The following MTM1 variants were observed in gnomAD, a reference collection of about 807,000 sequenced individuals.
MTM1 encodes myotubularin.
In MTM1, 9 loss-of-function variants were observed where a neutral mutation model predicts 52.1. The ratio of observed to expected loss-of-function variants is 0.17; its 90% CI spans 0.10 to 0.30. MTM1 has a LOEUF of 0.30. Ranked by LOEUF, MTM1 falls within the 10% of genes least tolerant of loss-of-function variation. The probability of loss-of-function intolerance (pLI) is 1.00; values close to 1 mark genes in which losing one functional copy is unlikely to be tolerated. For synonymous variants in MTM1, 136 were observed against 163.8 expected, an observed-to-expected ratio of 0.83 and a Z score of 1.29; for missense variants, 277 against 470.7, an observed-to-expected ratio of 0.59 and a Z score of 3.81.
intron 1 of MTM1, among the ~76,000 whole-genome samples, chrX:150,587,334 A>T (rs2148418988): frequency 8.9e-6 from 1 of 112,137 alleles, no homozygotes; most frequent in African/African-American, 3.2e-5. Flanking sequence ...ATAAAATTTT[A>T]TTGGAATATA....
chrX:150,586,497 T>G (rs781886889), intron 1 of MTM1, among the ~76,000 whole-genome samples: 4 of 111,333 alleles, frequency 3.6e-5, no homozygotes, highest in African/African-American at 6.6e-5. Flanking sequence ...ATTGGAGTCT[T>G]GGCAAGGTTA....
chrX:150,623,776 A>G (rs1455090900), intron 6 of MTM1, among the ~76,000 whole-genome samples: 2 of 111,122 alleles, frequency 1.8e-5, no homozygotes, highest in Admixed American at 1.9e-4. Flanking sequence ...GAGTGTGCCA[A>G]AAAGGGCTTT....
intron 1 of MTM1, among the ~76,000 whole-genome samples, chrX:150,569,030 G>A (rs1287725050): frequency 7.0e-5 from 8 of 113,560 alleles, no homozygotes; most frequent in Non-Finnish European, 1.5e-4. Context: ...TGGGCCGGGC[G>A]TCCGCCCTGC....
intron 10 of MTM1, among the ~76,000 whole-genome samples, chrX:150,654,949 A>G (rs1384335514): frequency 1.8e-5 from 2 of 112,177 alleles, no homozygotes; most frequent in Non-Finnish European, 3.8e-5. Flanking sequence ...ACGCATGTGA[A>G]AAGATGGAAC....
At chrX:150,666,805 C>T (rs1176145139) in intron 14 of MTM1, among the ~76,000 whole-genome samples, 2 of 111,655 alleles carry the variant, frequency 1.8e-5, no homozygotes, top group Admixed American at 9.5e-5. Context: ...TTCGTGGTAG[C>T]GCCAGCCTAG....
chrX:150,603,377 G>A, intron 4 of MTM1, among the ~76,000 whole-genome samples: 1 of 111,919 alleles, frequency 8.9e-6, no homozygotes, highest in African/African-American at 3.3e-5. Flanking sequence ...TGTGATTTCA[G>A]GAAGAGAACT....
intron 14 of MTM1, among the ~76,000 whole-genome samples, chrX:150,666,323 A>G: frequency 8.9e-6 from 1 of 112,301 alleles, no homozygotes. Context: ...TAACTTCTAT[A>G]TATTTTATAC....
chrX:150,608,293 A>C (rs1450415631), intron 4 of MTM1, among the ~76,000 whole-genome samples: 4 of 111,019 alleles, frequency 3.6e-5, no homozygotes, highest in Non-Finnish European at 5.7e-5. Context: ...ATCATAGCTC[A>C]CTGCAGCCAT....
intron 14 of MTM1, among the ~76,000 whole-genome samples, chrX:150,670,076 A>G (rs2040371780): frequency 1.8e-5 from 2 of 112,322 alleles, no homozygotes; most frequent in South Asian, 7.4e-4. Flanking sequence ...CCTTCAAAAC[A>G]TTAACTTTCT....
At chrX:150,664,202 A>G (rs1557414838) in intron 14 of MTM1, among the ~76,000 whole-genome samples, 1 of 112,690 alleles carries the variant, frequency 8.9e-6, no homozygotes, top group Admixed American at 9.4e-5. Context: ...CTCCATCCAT[A>G]ATCAGAAGGA....
intron 1 of MTM1, among the ~76,000 whole-genome samples, chrX:150,570,904 T>C (rs189748870): frequency 8.9e-6 from 1 of 112,721 alleles, no homozygotes; most frequent in East Asian, 2.8e-4. Context: ...CTAAGTTCTC[T>C]CATATTCTGT....
chrX:150,627,615 C>T (rs1196407890), intron 6 of MTM1, among the ~76,000 whole-genome samples: 1 of 111,837 alleles, frequency 8.9e-6, no homozygotes, highest in African/African-American at 3.3e-5. Context: ...TTATAATATG[C>T]ATCTGATGAT....
At position 150,662,152 on chromosome X, in the gene MTM1, T is replaced by A. The variant is rs782276721; in HGVS notation, c.1468-1281T>A. Among the ~76,000 whole-genome samples the A allele has an allele frequency of 6.3e-5, 7 of 111,911 alleles. No individual in the cohort carries two copies. The South Asian group carries it at 2.6e-3, about 41-fold the overall frequency. ...TCATAACCTTGTCAAACTATTTGAC[T>A]TTTTAAACTATGTGCATATATAAAA... On this transcript the variant is annotated intron_variant, in intron 13 of 14. Coordinates refer to ENST00000370396, the MANE Select transcript of MTM1 (RefSeq NM_000252.3).
intron 10 of MTM1, among the ~76,000 whole-genome samples, chrX:150,656,516 C>T (rs2040117411): frequency 8.9e-6 from 1 of 112,119 alleles, no homozygotes; most frequent in East Asian, 2.8e-4. Context: ...GTTGTTTAAG[C>T]CTCATAGTTT....
At chrX:150,652,656 TATACACACACACACACAC>T (rs1400270312) in intron 10 of MTM1, among the ~76,000 whole-genome samples, 46 of 44,146 alleles carry the variant, frequency 1.0e-3, no homozygotes, top group East Asian at 6.1e-4. Context: ...TGTATATATA[TATACACACACACACACAC>T]ACACACACAC....
chrX:150,607,944 T>C lies in MTM1; in HGVS notation c.232-6645T>C, dbSNP rs2039199620. ...GGAGTAGTACAGGGGCACAACAGTT[T>C]GAGGAGCCTGGGAAATTGTCCTGAG... On this transcript the variant is annotated intron_variant, in intron 4 of 14. Coordinates refer to ENST00000370396, the MANE Select transcript of MTM1 (RefSeq NM_000252.3). 3.6e-5 allele frequency among the ~76,000 whole-genome samples: 4 copies of C among 111,444 alleles called. No individual in the cohort carries two copies. The Admixed American group carries it at 3.8e-4, about 11-fold the overall frequency.
At position 150,575,746 on chromosome X, in the gene MTM1, G is replaced by A. The variant is rs2038461543; in HGVS notation, c.-11+7084G>A. On this transcript the variant is annotated intron_variant, in intron 1 of 14. Transcript: ENST00000370396. ...CCATAAAGTATTGTGTTTACTCTAG[G>A]TTTTGTGTAGGGGCACTTCTAGTGT... Among the ~76,000 whole-genome samples, 3 of 112,244 alleles carry A rather than the reference G, an allele frequency of 2.7e-5. No individual in the cohort carries two copies. The Admixed American group carries it at 2.8e-4, about 11-fold the overall frequency.
rs1375847697 is a variant in MTM1 at position 150,638,929 on chromosome X, T to A, written c.445-14T>A. ...CCTTCACGCTGAACTTTATTTATTT[T>A]TTGCCTTTTCTAGCCATTATTTGCA... is the stretch of plus-strand genomic sequence containing the variant. On this transcript the variant is annotated splice_polypyrimidine_tract_variant and intron_variant, in intron 6 of 14. Transcript: ENST00000370396. 8.7e-7 allele frequency: 1 copy of A among 1,144,588 alleles called. No individual in the cohort carries two copies. The highest frequency in any genetic ancestry group is 1.2e-6 in the Non-Finnish European group (1 of 835,716). 94.3% of individuals were successfully genotyped at this position (1,144,588 alleles called of 1,213,427 possible).
At chrX:150,607,352 T>C (rs1557412862) in intron 4 of MTM1, among the ~76,000 whole-genome samples, 2 of 111,361 alleles carry the variant, frequency 1.8e-5, no homozygotes, top group East Asian at 5.7e-4. Context: ...ACTATCATCC[T>C]CTTTCTTCCC....
Sources: gnomAD v4.1 joint callset for allele counts (sites outside exome capture counted in the v4.1 genomes callset) on GRCh38, gnomAD v4.1.1 for gene constraint, MANE v1.5 for transcripts, NCBI Gene and HGNC (gene_info 2026-07-23, HGNC 2026-07-21) for gene names.